Variants in ANKS1A observed in about 807,000 individuals in gnomAD.
ANKS1A encodes the protein ankyrin repeat and SAM domain-containing protein 1A.
In ANKS1A, 55 loss-of-function variants were observed where a neutral mutation model predicts 120.3. The observed-to-expected ratio is 0.46, with a 90% CI of 0.37 to 0.57. ANKS1A has a LOEUF of 0.57. Ranked by LOEUF, ANKS1A falls within the 20% of genes least tolerant of loss-of-function variation. The pLI is 0.00. For missense variants in ANKS1A, 1,123 were observed against 1,480.3 expected, an observed-to-expected ratio of 0.76 and a Z score of 3.96; for synonymous variants, 590 against 604.7, an observed-to-expected ratio of 0.98 and a Z score of 0.36.
chr6:34,908,044 A>G (rs1242831955), intron 1 of ANKS1A, among the ~76,000 whole-genome samples: 1 of 152,152 alleles, frequency 6.6e-6, no homozygotes, highest in East Asian at 1.9e-4. Context: ...AAAAAAGAAC[A>G]GTGGCTGGAA....
In ANKS1A at chr6:35,079,621, A is replaced by T; in HGVS notation, c.2389A>T (p.Ser797Cys). ...CCATTCCTTCTTGTCAAGTGGTTAC[A>T]GCTCCATTGACACCGTGAAGAACCT... ...YVHSFLSSGY[S>C]SIDTVKNLWE... Residue 797 changes from serine to cysteine, a missense_variant, in exon 15 of 24, where the codon AGC becomes TGC. Ser to Cys is a moderately radical substitution (Grantham distance 112). Around this residue, in one of 3 missense-constraint regions of ANKS1A, gnomAD observed 904 missense variants for 1,130.4 expected, o/e 0.80. Transcript: ENST00000360359. 6.2e-7 allele frequency: 1 copy of T among 1,614,156 alleles called. No homozygotes were observed. Among genetic ancestry groups the T allele is most frequent in the Non-Finnish European group, 8.5e-7 (1 of 1,180,020 alleles).
At chr6:35,054,296 C>T (rs1776100446) in intron 12 of ANKS1A, 131 bp downstream of exon 12, 1 of 767,466 alleles carries the variant, frequency 1.3e-6, no homozygotes, top group Non-Finnish European at 2.2e-6. Flanking sequence ...ACGTCATGCT[C>T]CTATAATTCA....
At chr6:35,019,434 G>A (rs890369698) in intron 11 of ANKS1A, among the ~76,000 whole-genome samples, 14 of 152,182 alleles carry the variant, frequency 9.2e-5, no homozygotes, top group African/African-American at 3.4e-4. Flanking sequence ...GTTGGGGGTG[G>A]GGGCTGTGCT....
At chr6:35,037,900 A>G (rs1401114043) in intron 11 of ANKS1A, among the ~76,000 whole-genome samples, 1 of 152,122 alleles carries the variant, frequency 6.6e-6, no homozygotes, top group East Asian at 1.9e-4. Context: ...AGCAGCTGCC[A>G]AGGATGGTGG....
intron 1 of ANKS1A, among the ~76,000 whole-genome samples, chr6:34,924,088 T>C (rs1296755384): frequency 7.5e-6 from 1 of 132,524 alleles, no homozygotes; most frequent in African/African-American, 3.2e-5. Flanking sequence ...AGGGGGCTTT[T>C]TCGTGTGTGT....
rs192853637 is a variant in ANKS1A, at chr6:34,905,149, A to G, written c.197+15550A>G. Among the ~76,000 whole-genome samples, 160 of 152,300 alleles carry G rather than the reference A, an allele frequency of 1.1e-3. No individual in the cohort carries two copies. In the South Asian group the frequency reaches 0.011, roughly 11 times the overall value. On this transcript the variant is annotated intron_variant, in intron 1 of 23. Transcript: ENST00000360359. ...CTATTGGTGATGACATAATGAGGTT[A>G]TTGGAGTCATCACATGATGAATCTG...
chr6:35,023,797 T>A (rs1291373255), intron 11 of ANKS1A: 1 of 265,860 alleles, frequency 3.8e-6, no homozygotes, highest in Admixed American at 3.9e-5. Context: ...TATTTAGAGA[T>A]GGTGACATTC....
At chr6:35,075,205 G>GA (rs902311530) in intron 13 of ANKS1A, among the ~76,000 whole-genome samples, 5 of 152,018 alleles carry the variant, frequency 3.3e-5, no homozygotes, top group Non-Finnish European at 7.4e-5. Flanking sequence ...CAAATTACAG[G>GA]AAAAAATATA....
intron 1 of ANKS1A, among the ~76,000 whole-genome samples, chr6:34,963,105 G>A (rs1407352471): frequency 2.0e-5 from 3 of 151,686 alleles, no homozygotes; most frequent in Non-Finnish European, 4.4e-5. Flanking sequence ...CAGGTGATCC[G>A]CCTGCCTCAG....
At chr6:34,903,487 C>T (rs1040946133) in intron 1 of ANKS1A, among the ~76,000 whole-genome samples, 1 of 151,260 alleles carries the variant, frequency 6.6e-6, no homozygotes, top group Non-Finnish European at 1.5e-5. Context: ...ACCAAGTTTG[C>T]CTAATTTTGT....
At chr6:34,918,908 G>A (rs1421297173) in intron 1 of ANKS1A, among the ~76,000 whole-genome samples, 1 of 152,160 alleles carries the variant, frequency 6.6e-6, no homozygotes, top group Non-Finnish European at 1.5e-5. Context: ...CTGGAGTGCA[G>A]TGGCGCCATC....
At chr6:34,904,103 A>G (rs1767513247) in intron 1 of ANKS1A, among the ~76,000 whole-genome samples, 1 of 152,218 alleles carries the variant, frequency 6.6e-6, no homozygotes, top group Non-Finnish European at 1.5e-5. Flanking sequence ...CCTCGAAGAT[A>G]CCAGAATTCC....
chr6:34,926,841 G>T (rs1235286088), intron 1 of ANKS1A, among the ~76,000 whole-genome samples: 1 of 152,104 alleles, frequency 6.6e-6, no homozygotes, highest in African/African-American at 2.4e-5. Flanking sequence ...TTGGGGCTTG[G>T]CTGTGGGGAA....
intron 1 of ANKS1A, among the ~76,000 whole-genome samples, chr6:34,921,995 C>G (rs989000070): frequency 6.6e-6 from 1 of 150,948 alleles, no homozygotes; most frequent in Non-Finnish European, 1.5e-5. Flanking sequence ...TGCTTCTAGC[C>G]AGGACATCTT....
chr6:35,011,129 G>C (rs1773738220), intron 10 of ANKS1A, among the ~76,000 whole-genome samples: 1 of 152,176 alleles, frequency 6.6e-6, no homozygotes, highest in South Asian at 2.1e-4. Context: ...AAAATGCTTG[G>C]CATAGTGTCT....
intron 13 of ANKS1A, among the ~76,000 whole-genome samples, chr6:35,063,087 G>C (rs1171962980): frequency 6.6e-6 from 1 of 152,210 alleles, no homozygotes; most frequent in African/African-American, 2.4e-5. Flanking sequence ...CTTGCTTACA[G>C]ACAGAAAGGG....
At chr6:35,005,298 A>C (rs974614467) in intron 10 of ANKS1A, among the ~76,000 whole-genome samples, 14 of 152,188 alleles carry the variant, frequency 9.2e-5, no homozygotes, top group Non-Finnish European at 1.0e-4. Flanking sequence ...GTTAAGCAAA[A>C]AACGTGCTAT....
At chr6:34,896,685 C>G (rs1392717449) in intron 1 of ANKS1A, among the ~76,000 whole-genome samples, 1 of 152,004 alleles carries the variant, frequency 6.6e-6, no homozygotes, top group East Asian at 1.9e-4. Flanking sequence ...AAAAACTAGG[C>G]CAGGCGCAGT....
chr6:34,931,276 A>G (rs1768969138), intron 1 of ANKS1A, among the ~76,000 whole-genome samples: 1 of 151,596 alleles, frequency 6.6e-6, no homozygotes, highest in Non-Finnish European at 1.5e-5. Context: ...CCTCCTGAGT[A>G]GCTGGAATTA....
Sources: gnomAD v4.1 joint callset for allele counts (sites outside exome capture counted in the v4.1 genomes callset) on GRCh38, gnomAD v4.1.1 for gene constraint, gnomAD v4.1.1 regional missense constraint, MANE v1.5 for transcripts, NCBI Gene and HGNC (gene_info 2026-07-23, HGNC 2026-07-21) for gene names.